VGLL4: variants seen among roughly 807,000 people sequenced by gnomAD.
The protein encoded by VGLL4 is transcription cofactor vestigial-like protein 4.
A neutral mutation model predicts 21.0 loss-of-function variants in VGLL4; 7 were observed. That is an observed-to-expected ratio of 0.33 (90% confidence interval 0.19 to 0.63). The LOEUF (loss-of-function observed/expected upper bound fraction) is 0.63, where lower values mean the gene tolerates loss of function less well. Ranked by LOEUF, VGLL4 falls within the 20% of genes least tolerant of loss-of-function variation. The pLI, the probability that VGLL4 is intolerant of heterozygous loss-of-function variation, is 0.78. For synonymous variants in VGLL4, 222 were observed against 173.2 expected, an observed-to-expected ratio of 1.28 and a Z score of -2.21; for missense variants, 394 against 425.7, an observed-to-expected ratio of 0.93 and a Z score of 0.66.
chr3:11,617,949 T>C (rs2075195411), intron 1 of VGLL4, among the ~76,000 whole-genome samples: 2 of 152,234 alleles, frequency 1.3e-5, no homozygotes, highest in African/African-American at 2.4e-5. Context: ...TCATTTTCTT[T>C]AAACAATTTA....
intron 3 of VGLL4, among the ~76,000 whole-genome samples, chr3:11,562,535 C>T (rs1357196981): frequency 6.6e-6 from 1 of 152,228 alleles, no homozygotes; most frequent in Non-Finnish European, 1.5e-5. Context: ...GGATGACACC[C>T]AACAGACTTC....
intron 1 of VGLL4, chr3:11,607,244 A>G (rs939334006): frequency 3.3e-5 from 5 of 152,246 alleles, no homozygotes; most frequent in Non-Finnish European, 5.9e-5. Context: ...AATATTATGC[A>G]GCTATAAAAA....
chr3:11,657,129 T>TA (rs1459990278), intron 2 of VGLL4, among the ~76,000 whole-genome samples: 4 of 152,218 alleles, frequency 2.6e-5, no homozygotes, highest in Non-Finnish European at 5.9e-5. Flanking sequence ...TTGCTAGCCA[T>TA]GCAATCTTCA....
intron 2 of VGLL4, among the ~76,000 whole-genome samples, chr3:11,687,393 A>G (rs2125388280): frequency 6.6e-6 from 1 of 152,334 alleles, no homozygotes; most frequent in African/African-American, 2.4e-5. Context: ...TTTATTCACA[A>G]AGGTCTTAAC....
rs571618354 is a variant in VGLL4, at chr3:11,584,770, A to G, written c.272+17063T>C. Reference sequence around the variant, plus strand: ...ACTGTGATATTTCTTGGAAATGAAAAAATGCTGACCAACCAATCCTTGAAA... The same window carrying G: ...ACTGTGATATTTCTTGGAAATGAAAGAATGCTGACCAACCAATCCTTGAAA... On this transcript the variant is annotated intron_variant, in intron 2 of 4. Transcript: ENST00000430365. Among the ~76,000 whole-genome samples, 19 of 150,210 alleles carry G rather than the reference A, an allele frequency of 1.3e-4. No homozygotes were observed. In the East Asian group the frequency reaches 3.7e-3, roughly 29 times the overall value.
At chr3:11,636,774 GTGA>G (rs1256908085) in intron 1 of VGLL4, among the ~76,000 whole-genome samples, 2 of 152,132 alleles carry the variant, frequency 1.3e-5, no homozygotes, top group Non-Finnish European at 1.5e-5. Context: ...GCTTCAACAG[GTGA>G]TGAAGAATGT....
intron 2 of VGLL4, among the ~76,000 whole-genome samples, chr3:11,695,537 A>G (rs763376400): frequency 1.3e-5 from 2 of 152,218 alleles, no homozygotes; most frequent in Non-Finnish European, 2.9e-5. Context: ...ATAGGGGTAG[A>G]TAAAAACAAC....
chr3:11,719,247 G>T lies in VGLL4; in HGVS notation c.-14+1147C>A, dbSNP rs973200917. 6.6e-6 allele frequency among the ~76,000 whole-genome samples: 1 copy of T among 151,994 alleles called. No homozygotes were observed. Among genetic ancestry groups the T allele is most frequent in the South Asian group, 2.1e-4 (1 of 4,824 alleles). On this transcript the variant is annotated intron_variant, in intron 1 of 5. Coordinates refer to the VGLL4 transcript ENST00000273038. This position sits in a 1 kb window ranked among gnomAD's most constrained non-coding sequence, Gnocchi z 4.0. ...TCCCAGGACGTCCTCCGGGAGCCTA[G>T]GCGCTTCCGCTCCCACCGGCGCCTC...
At chr3:11,720,926 C>T (rs1410153677), upstream of VGLL4, among the ~76,000 whole-genome samples, 1 of 152,224 alleles carries the variant, frequency 6.6e-6, no homozygotes, top group Non-Finnish European at 1.5e-5. Context: ...TACCCGCCCC[C>T]CGCCATCCCC....
At chr3:11,693,012 T>C in intron 2 of VGLL4, 1 of 167,078 alleles carries the variant, frequency 6.0e-6, no homozygotes, top group Non-Finnish European at 1.3e-5. Context: ...CTACCAAAAA[T>C]ACAAAAAATT....
At chr3:11,616,180 G>C (rs2075159267) in intron 1 of VGLL4, among the ~76,000 whole-genome samples, 1 of 151,824 alleles carries the variant, frequency 6.6e-6, no homozygotes, top group Non-Finnish European at 1.5e-5. Flanking sequence ...CTGAGGTGTG[G>C]TCTGCACACG....
chr3:11,564,848 G>T lies in VGLL4; in HGVS notation c.444C>A (p.Ala148=). ...TGGGCGAGAGGCCGGCTGGCCTGCT[G>T]GCGTCCAGGCTGTTCTTGGTCAGTG... ...PLALTKNSLD[A]SRPAGLSPTL... Residue 148 remains alanine (A), a synonymous_variant, in exon 3 of 5, where the codon GCC becomes GCA. Transcript: ENST00000430365. The T allele has an allele frequency of 6.2e-7, 1 of 1,604,368 alleles. No homozygotes were observed. The highest frequency in any genetic ancestry group is 8.5e-7 in the Non-Finnish European group (1 of 1,176,618).
chr3:11,575,606 G>A (rs564824525), intron 2 of VGLL4, among the ~76,000 whole-genome samples: 14 of 152,304 alleles, frequency 9.2e-5, no homozygotes, highest in East Asian at 5.8e-4. Context: ...CTTACCCAGC[G>A]GCAGCCGCTT....
chr3:11,631,099 C>G (rs766061158), intron 1 of VGLL4, among the ~76,000 whole-genome samples: 3 of 152,176 alleles, frequency 2.0e-5, no homozygotes, highest in Non-Finnish European at 4.4e-5. Flanking sequence ...AGAAACACTA[C>G]GTTAGGCACA....
intron 1 of VGLL4, among the ~76,000 whole-genome samples, chr3:11,711,332 G>T (rs746093778): frequency 5.3e-5 from 8 of 152,110 alleles, no homozygotes; most frequent in Non-Finnish European, 1.2e-4. Context: ...AAGGTAAGGA[G>T]ATCGAGACCA....
chr3:11,601,685 G>A (rs1415192543), intron 2 of VGLL4, 148 bp downstream of exon 2: 1 of 1,010,880 alleles, frequency 9.9e-7, no homozygotes, highest in African/African-American at 1.7e-5. Flanking sequence ...CTTCTTTTTG[G>A]CAGATGAATA....
intron 2 of VGLL4, among the ~76,000 whole-genome samples, chr3:11,672,390 C>A (rs902929892): frequency 2.0e-5 from 3 of 151,956 alleles, no homozygotes; most frequent in Admixed American, 2.0e-4. Context: ...TTTTTTTAAT[C>A]CTGTTGCAAA....
Position 11,556,072 on chromosome 3 carries a change from T to A in VGLL4, c.*2484A>T, listed in dbSNP as rs2072373579. 1 of 152,700 alleles carries A rather than the reference T, an allele frequency of 6.5e-6. No individual in the cohort carries two copies. Among genetic ancestry groups the A allele is most frequent in the Non-Finnish European group, 1.5e-5 (1 of 68,024 alleles). The allele number at this position is 152,700 out of a possible 1,614,324, so 9.5% of individuals were successfully genotyped here. ...GAAACTGCACACGTACACTATGTGG[T>A]TTAAGAGCACTTTATTATTGTTCTT... On this transcript the variant is annotated 3_prime_UTR_variant, in exon 5 of 5. Transcript: ENST00000430365.
intron 1 of VGLL4, chr3:11,627,230 A>ACACACACACACACTCT (rs1491347863): frequency 3.2e-5 from 4 of 123,270 alleles, no homozygotes; most frequent in African/African-American, 1.3e-4. Context: ...ACACACACAC[A>ACACACACACACACTCT]CTCTCTCTCT....
Sources: gnomAD v4.1 joint callset for allele counts (sites outside exome capture counted in the v4.1 genomes callset) on GRCh38, gnomAD v4.1.1 for gene constraint, Gnocchi (gnomAD v3.1) non-coding constraint, MANE v1.5 for transcripts, NCBI Gene and HGNC (gene_info 2026-07-23, HGNC 2026-07-21) for gene names.